NFASC: variants seen among roughly 807,000 people sequenced by gnomAD.
NFASC encodes neurofascin, also known as neurofascin homolog.
Under a neutral mutation model 147.5 loss-of-function variants are expected in NFASC, and 43 were observed. The ratio of observed to expected loss-of-function variants is 0.29; its 90% CI spans 0.23 to 0.38. The LOEUF (loss-of-function observed/expected upper bound fraction) is 0.38, where lower values mean the gene tolerates loss of function less well. Ranked by LOEUF, NFASC falls within the 10% of genes least tolerant of loss-of-function variation. The pLI is 1.00. For synonymous variants in NFASC, 622 were observed against 665.5 expected (o/e 0.93, Z 1.01); for missense variants, 1,320 against 1,689.0 (o/e 0.78, Z 3.83).
intron 2 of NFASC, among the ~76,000 whole-genome samples, chr1:204,924,987 G>A (rs925110787): frequency 5.3e-5 from 8 of 152,062 alleles, no homozygotes; most frequent in African/African-American, 1.2e-4. Context: ...GTGATTCTCC[G>A]GCCTCAGCCT....
chr1:204,946,607 C>G (rs2149837318), intron 3 of NFASC: 1 of 476,908 alleles, frequency 2.1e-6, no homozygotes, highest in East Asian at 6.0e-5. Context: ...GATGAGGGGG[C>G]AGGTCCTGGC....
Position 204,957,816 on chromosome 1 carries a change from G to A in NFASC, c.696G>A (p.Lys232=). Reference sequence around the variant, plus strand: ...AGCAGAAGAACCCTTTCACCCTCAAGGTCCTCACCAGTAAGTGAAGGCCCC... The same window carrying A: ...AGCAGAAGAACCCTTTCACCCTCAAAGTCCTCACCAGTAAGTGAAGGCCCC... ...TIQQKNPFTL[K]VLTTRGVAER... Residue 232 remains lysine, a synonymous_variant, in exon 8 of 30, where the codon AAG becomes AAA. Coordinates refer to ENST00000339876, the MANE Select transcript of NFASC (RefSeq NM_001005388.3). 2 of 1,614,128 alleles carry A rather than the reference G, an allele frequency of 1.2e-6. No individual in the cohort carries two copies. The highest frequency in any genetic ancestry group is 2.2e-5 in the South Asian group (2 of 91,092).
At chr1:204,864,399 C>T (rs1040232409) in intron 1 of NFASC, among the ~76,000 whole-genome samples, 2 of 152,158 alleles carry the variant, frequency 1.3e-5, no homozygotes, top group South Asian at 2.1e-4. Context: ...ATTGCAGGGT[C>T]GTATATTAAC....
Position 204,973,349 on chromosome 1 carries a change from G to A in NFASC, c.1209G>A (p.Arg403=). ...IIFRDTQISS[R]AVYQCNTSNE... is the part of the protein sequence containing the mutation. The stretch of plus-strand genomic sequence containing the variant: ...TCCGGGACACCCAGATCAGCAGCAG[G>A]GCTGTGTACCAGTGCAACACCTCCA... Residue 403 remains arginine (R), a synonymous_variant, in exon 12 of 30, where the codon AGG becomes AGA. Transcript: ENST00000339876. 2.5e-6 allele frequency: 4 copies of A among 1,614,258 alleles called. No individual in the cohort carries two copies. The highest frequency in any genetic ancestry group is 3.4e-6 in the Non-Finnish European group (4 of 1,180,052).
At chr1:205,011,176 C>A (rs964863954) in intron 28 of NFASC, among the ~76,000 whole-genome samples, 1 of 151,460 alleles carries the variant, frequency 6.6e-6, no homozygotes, top group Admixed American at 6.6e-5. Context: ...GCTTCCTTCT[C>A]CCCATCTCTT....
At chr1:204,863,231 C>T (rs867776119) in intron 1 of NFASC, among the ~76,000 whole-genome samples, 1 of 152,158 alleles carries the variant, frequency 6.6e-6, no homozygotes. Context: ...ATGCCATCAC[C>T]ACAGTAACTC....
At chr1:204,857,965 G>A (rs888285643) in intron 1 of NFASC, among the ~76,000 whole-genome samples, 1 of 141,418 alleles carries the variant, frequency 7.1e-6, no homozygotes, top group African/African-American at 2.7e-5. Flanking sequence ...TGTCACCCAG[G>A]CTGGAGTGCA....
At chr1:204,875,864 C>T (rs1053192672) in intron 1 of NFASC, among the ~76,000 whole-genome samples, 1 of 152,178 alleles carries the variant, frequency 6.6e-6, no homozygotes, top group African/African-American at 2.4e-5. Flanking sequence ...GGAACTCTAA[C>T]TTCTATCAGA....
chr1:204,993,530 C>T (rs576053941), intron 24 of NFASC, among the ~76,000 whole-genome samples: 41 of 152,314 alleles, frequency 2.7e-4, no homozygotes, highest in African/African-American at 9.6e-4. Context: ...AAACCCTTGG[C>T]CGCAGCCAGG....
intron 1 of NFASC, among the ~76,000 whole-genome samples, chr1:204,845,346 T>G (rs1676691124): frequency 6.6e-6 from 1 of 150,800 alleles, no homozygotes; most frequent in African/African-American, 2.4e-5. Context: ...TAATCCCAGC[T>G]ACTTGGGAGG....
At chr1:205,001,452 G>T (rs1443382462) in intron 26 of NFASC, among the ~76,000 whole-genome samples, 166 bp downstream of exon 26, 2 of 152,192 alleles carry the variant, frequency 1.3e-5, no homozygotes, top group Non-Finnish European at 2.9e-5. Flanking sequence ...TCAGGCGGCA[G>T]TGAGGTGGGA....
At chr1:204,888,625 C>T (rs2081792568) in intron 1 of NFASC, among the ~76,000 whole-genome samples, 1 of 152,188 alleles carries the variant, frequency 6.6e-6, no homozygotes, top group African/African-American at 2.4e-5. Context: ...CTCGCATAAA[C>T]TTTGTTTAAT....
intron 2 of NFASC, among the ~76,000 whole-genome samples, chr1:204,932,475 C>A (rs999789337): frequency 1.3e-5 from 2 of 151,846 alleles, no homozygotes; most frequent in African/African-American, 4.8e-5. Flanking sequence ...CGGTGTCAGC[C>A]TCAAGAATTT....
chr1:204,853,180 T>G (rs781015800), intron 1 of NFASC, among the ~76,000 whole-genome samples: 2 of 152,190 alleles, frequency 1.3e-5, no homozygotes, highest in African/African-American at 4.8e-5. Context: ...TCCTTCCTAA[T>G]TTTTATTTAG....
In NFASC at chr1:204,839,702, G is replaced by A. The variant is rs147568134; in HGVS notation, c.-200+10920G>A. 1.1e-3 allele frequency among the ~76,000 whole-genome samples: 175 copies of A among 152,346 alleles called. 1 individual carries two copies. Among genetic ancestry groups the A allele is most frequent in the African/African-American group, 4.0e-3 (168 of 41,584 alleles). On this transcript the variant is annotated intron_variant, in intron 1 of 29. Transcript: ENST00000339876. ...CATGGTGAAGAGCACTTAGAAGAGG[G>A]TAGGGACATTGGGGAAGAGGGCTGT...
Position 204,871,007 on chromosome 1 carries a change from G to A in NFASC, c.-200+42225G>A, listed in dbSNP as rs760740184. 8 of 1,289,628 alleles carry A rather than the reference G, an allele frequency of 6.2e-6. No individual in the cohort carries two copies. The East Asian group carries it at 3.9e-4, about 63-fold the overall frequency. 79.9% of individuals were successfully genotyped at this position (1,289,628 alleles called of 1,614,324 possible). On this transcript the variant is annotated intron_variant, in intron 1 of 29. Transcript: ENST00000339876. Reference sequence around the variant, plus strand: ...AAATGCCTAGCTTCCCTCCCCACCTGTCCCCATGGAGGGAGACTGAGAAGA... The same window carrying A: ...AAATGCCTAGCTTCCCTCCCCACCTATCCCCATGGAGGGAGACTGAGAAGA...
chr1:205,006,040 G>A (rs2096101635), intron 27 of NFASC, among the ~76,000 whole-genome samples: 1 of 152,178 alleles, frequency 6.6e-6, no homozygotes, highest in African/African-American at 2.4e-5. Flanking sequence ...CTAGGTCGTT[G>A]CAGACGCACA....
chr1:205,003,892 C>T (rs758317954), intron 27 of NFASC, among the ~76,000 whole-genome samples: 35 of 152,196 alleles, frequency 2.3e-4, no homozygotes, highest in Non-Finnish European at 4.0e-4. Flanking sequence ...TCCGTGTCTC[C>T]GCCTGTCCTG....
At chr1:204,905,409 G>T (rs1314653013) in intron 1 of NFASC, among the ~76,000 whole-genome samples, 1 of 151,692 alleles carries the variant, frequency 6.6e-6, no homozygotes, top group Admixed American at 6.6e-5. Context: ...ATAGATATGA[G>T]AAGGTGTCTC....
Sources: gnomAD v4.1 joint callset for allele counts (sites outside exome capture counted in the v4.1 genomes callset) on GRCh38, gnomAD v4.1.1 for gene constraint, MANE v1.5 for transcripts, NCBI Gene and HGNC (gene_info 2026-07-23, HGNC 2026-07-21) for gene names.